SMYD3: variants seen among roughly 807,000 people sequenced by gnomAD.
SMYD3 encodes the protein SET and MYND domain containing 3, also known as histone-lysine N-methyltransferase SMYD3.
A neutral mutation model predicts 57.7 loss-of-function variants in SMYD3; 36 were observed. The ratio of observed to expected loss-of-function variants is 0.62; its 90% CI spans 0.48 to 0.82. SMYD3 has a LOEUF of 0.82. Ranked by LOEUF, SMYD3 falls within the 40% of genes least tolerant of loss-of-function variation. SMYD3 has a pLI of 0.00. For synonymous variants in SMYD3, 211 were observed against 195.0 expected, an observed-to-expected ratio of 1.08 and a Z score of -0.68; for missense variants, 515 against 538.8, an observed-to-expected ratio of 0.96 and a Z score of 0.44.
At chr1:246,174,273 G>A (rs2062395530) in intron 5 of SMYD3, among the ~76,000 whole-genome samples, 1 of 152,126 alleles carries the variant, frequency 6.6e-6, no homozygotes, top group Non-Finnish European at 1.5e-5. Flanking sequence ...AGTACCGTAG[G>A]GTTTTTAATA....
Position 246,275,543 on chromosome 1 carries a change from G to A in SMYD3, c.531+51658C>T, listed in dbSNP as rs1273894908. Among the ~76,000 whole-genome samples the A allele has an allele frequency of 4.1e-5, 5 of 123,324 alleles. 1 individual carries two copies. Among genetic ancestry groups the A allele is most frequent in the African/African-American group, 8.4e-5 (3 of 35,580 alleles). The allele number at this position is 123,324 out of a possible 152,430, so 80.9% of individuals were successfully genotyped here. A position where few individuals can be genotyped will look rare whatever the true frequency, so the allele number is the denominator to read the frequency against. ...ATACTAACTCTGTTTTTCACTAGCC[G>A]TGTTAACACTGGCAAGTTATTTAAT... On this transcript the variant is annotated intron_variant, in intron 5 of 11. Transcript: ENST00000490107.
chr1:246,154,163 A>G (rs1254773278), intron 5 of SMYD3, among the ~76,000 whole-genome samples: 1 of 152,214 alleles, frequency 6.6e-6, no homozygotes, highest in African/African-American at 2.4e-5. Flanking sequence ...GCCTACATTC[A>G]CTGAACGAAT....
At chr1:246,505,629 C>T (rs1572066624) in intron 1 of SMYD3, among the ~76,000 whole-genome samples, 3 of 151,490 alleles carry the variant, frequency 2.0e-5, no homozygotes, top group Admixed American at 2.0e-4. Flanking sequence ...AGAACTCCCC[C>T]AAAACTCTTT....
intron 10 of SMYD3, among the ~76,000 whole-genome samples, chr1:245,784,453 C>G (rs1006239523): frequency 2.6e-5 from 4 of 152,164 alleles, no homozygotes; most frequent in African/African-American, 7.2e-5. Flanking sequence ...TCTATTATAT[C>G]TGGGCCTCAG....
chr1:245,877,746 T>C (rs1161069753), intron 8 of SMYD3, among the ~76,000 whole-genome samples: 1 of 151,922 alleles, frequency 6.6e-6, no homozygotes, highest in Non-Finnish European at 1.5e-5. Context: ...TGTAGAAAGG[T>C]GTTTAGGAAA....
intron 5 of SMYD3, among the ~76,000 whole-genome samples, chr1:245,979,590 C>A (rs1261244667): frequency 6.6e-6 from 1 of 152,102 alleles, no homozygotes; most frequent in South Asian, 2.1e-4. Flanking sequence ...CCAGGAGCTA[C>A]GGGAAAGAAA....
chr1:246,402,381 T>TTTTTTTTTTTTTTTTTTTTTGAG (rs1239559421), intron 1 of SMYD3, among the ~76,000 whole-genome samples: 1 of 151,502 alleles, frequency 6.6e-6, no homozygotes, highest in Non-Finnish European at 1.5e-5. Context: ...AACGCCATCT[T>TTTTTTTTTTTTTTTTTTTTTGAG]AAAGATGATC....
At chr1:246,147,994 C>T (rs1003383129) in intron 5 of SMYD3, among the ~76,000 whole-genome samples, 4 of 152,252 alleles carry the variant, frequency 2.6e-5, no homozygotes, top group South Asian at 2.1e-4. Context: ...CTCTGATCTC[C>T]GACCGGGGTT....
At chr1:246,386,103 T>C (rs1434831746) in intron 1 of SMYD3, among the ~76,000 whole-genome samples, 1 of 152,172 alleles carries the variant, frequency 6.6e-6, no homozygotes, top group Non-Finnish European at 1.5e-5. Context: ...CTAGCCAGGA[T>C]GGTCTCGATC....
intron 8 of SMYD3, among the ~76,000 whole-genome samples, chr1:245,886,824 T>C (rs1003813596): frequency 6.6e-6 from 1 of 152,180 alleles, no homozygotes; most frequent in Admixed American, 6.5e-5. Context: ...CCAACCTCAC[T>C]GTTCTAACAA....
At chr1:245,998,992 G>A (rs2058984924) in intron 5 of SMYD3, among the ~76,000 whole-genome samples, 4 of 152,138 alleles carry the variant, frequency 2.6e-5, no homozygotes, top group African/African-American at 7.2e-5. Context: ...CAGGGTTGAG[G>A]TGAAAGGGGA....
At chr1:245,905,752 C>A (rs567983897) in intron 8 of SMYD3, among the ~76,000 whole-genome samples, 2 of 152,184 alleles carry the variant, frequency 1.3e-5, no homozygotes, top group Non-Finnish European at 2.9e-5. Context: ...TACAGCAGGT[C>A]TTGGGCGAGA....
intron 5 of SMYD3, among the ~76,000 whole-genome samples, chr1:246,155,079 C>T (rs1350120114): frequency 6.6e-6 from 1 of 151,942 alleles, no homozygotes; most frequent in African/African-American, 2.4e-5. Context: ...CCGTGCCTGG[C>T]CCAAAACAAA....
intron 5 of SMYD3, among the ~76,000 whole-genome samples, chr1:246,013,305 G>A (rs756856958): frequency 1.1e-4 from 16 of 152,110 alleles, no homozygotes; most frequent in Admixed American, 2.6e-4. Flanking sequence ...CCAGCCTCCC[G>A]AGTAGCTGGG....
chr1:245,967,696 G>A (rs914296447), intron 5 of SMYD3, among the ~76,000 whole-genome samples: 1 of 152,180 alleles, frequency 6.6e-6, no homozygotes, highest in African/African-American at 2.4e-5. Flanking sequence ...TCAGACCAGA[G>A]GGCAGACATA....
rs1376131091 is a variant in SMYD3, at chr1:246,273,331, G to C, written c.531+53870C>G. On this transcript the variant is annotated intron_variant, in intron 5 of 11. Transcript: ENST00000490107. ...TGCCCAGCTAATTTTTGTATTTTTG[G>C]TAAAGACGGGGTTTCACCATGTTGG... is the stretch of plus-strand genomic sequence containing the variant. Among the ~76,000 whole-genome samples the C allele has an allele frequency of 2.0e-5, 3 of 150,918 alleles. No individual in the cohort carries two copies. In the East Asian group the frequency reaches 5.9e-4, roughly 30 times the overall value.
intron 5 of SMYD3, among the ~76,000 whole-genome samples, chr1:245,977,852 A>G (rs1483043337): frequency 6.6e-6 from 1 of 152,120 alleles, no homozygotes; most frequent in African/African-American, 2.4e-5. Flanking sequence ...TTTATAGTGC[A>G]CTCGGCTGGC....
At chr1:246,459,929 A>AG (rs1182119209) in intron 1 of SMYD3, among the ~76,000 whole-genome samples, 1 of 151,146 alleles carries the variant, frequency 6.6e-6, no homozygotes. Context: ...AAAAAAAAAA[A>AG]AAAAAAAAAA....
Position 246,132,224 on chromosome 1 carries a change from A to G in SMYD3, c.531+194977T>C, listed in dbSNP as rs186335458. ...AAAAGCTTTACAAGAAACTCATCAGATTGGAAGACGGGCCTAAACAAACAA... is the reference window on the plus strand; with the variant it reads ...AAAAGCTTTACAAGAAACTCATCAGGTTGGAAGACGGGCCTAAACAAACAA... On this transcript the variant is annotated intron_variant, in intron 5 of 11. Coordinates refer to ENST00000490107, the MANE Select transcript of SMYD3 (RefSeq NM_001167740.2). Among the ~76,000 whole-genome samples, 271 of 152,254 alleles carry G rather than the reference A, an allele frequency of 1.8e-3. 2 individuals are homozygous for G. The highest frequency in any genetic ancestry group is 6.2e-3 in the African/African-American group (258 of 41,572).
Sources: allele counts gnomAD v4.1 joint callset (sites outside exome capture counted in the v4.1 genomes callset), GRCh38; gene constraint gnomAD v4.1.1; transcripts MANE v1.5; gene names NCBI Gene and HGNC (gene_info 2026-07-23, HGNC 2026-07-21).